ALOXE3: variants seen among roughly 807,000 people sequenced by gnomAD.
ALOXE3 encodes the protein arachidonate epidermal lipoxygenase 3.
ALOXE3 carries 78 observed loss-of-function variants against 87.5 expected under a neutral mutation model. The observed-to-expected ratio is 0.89, with a 90% CI of 0.74 to 1.08. ALOXE3 has a LOEUF of 1.08. Among genes scored for constraint, ALOXE3 ranks in the 50% least tolerant of loss-of-function variants. ALOXE3 has a pLI of 0.00. For missense variants in ALOXE3, 946 were observed against 912.4 expected (o/e 1.04, Z -0.47); for synonymous variants, 363 against 370.8 (o/e 0.98, Z 0.24).
chr17:8,115,157 C>T, intron 4 of ALOXE3, 100 bp from the exon 5 acceptor site: 2 of 1,487,646 alleles, frequency 1.3e-6, no homozygotes, highest in Non-Finnish European at 1.9e-6. Flanking sequence ...CAAAAACCAC[C>T]TACTTTCTGG....
intron 13 of ALOXE3, among the ~76,000 whole-genome samples, chr17:8,105,608 G>A (rs567607056): frequency 7.3e-4 from 111 of 152,176 alleles, no homozygotes; most frequent in African/African-American, 2.6e-3. Context: ...CCAAGAGCCC[G>A]GTAATTATTG....
In ALOXE3 at chr17:8,117,890, G is replaced by A. The variant is rs779810138; in HGVS notation, c.101C>T (p.Pro34Leu). The change falls in exon 2 of 16, where the codon CCC becomes CTC. Residue 34 changes from proline to leucine, a missense_variant. Physicochemically the swap from Pro to Leu is moderately conservative, Grantham distance 98 (BLOSUM62 -3). Coordinates refer to ENST00000448843, the MANE Select transcript of ALOXE3 (RefSeq NM_021628.3). Reference sequence around the variant, plus strand: ...GCCCATTCGATCTAGCCGCTGCTTGGGGCTTTCACCACACGTGCCCACCAG... The same window carrying A: ...GCCCATTCGATCTAGCCGCTGCTTGAGGCTTTCACCACACGTGCCCACCAG... ...VTLVGTCGES[P>L]KQRLDRMGRD... The A allele has an allele frequency of 3.7e-6, 6 of 1,611,788 alleles. No individual in the cohort carries two copies. The highest frequency in any genetic ancestry group is 3.3e-5 in the Admixed American group (2 of 59,854).
rs145113596 is a variant in ALOXE3, at chr17:8,115,017, C to A, written c.475G>T (p.Val159Phe). 2.5e-6 allele frequency: 4 copies of A among 1,613,996 alleles called. No individual in the cohort carries two copies. The highest frequency in any genetic ancestry group is 3.4e-6 in the Non-Finnish European group (4 of 1,180,022). The change falls in exon 5 of 16, where the codon GTC becomes TTC. Residue 159 changes from valine to phenylalanine, a missense_variant. By Grantham distance (50) the Val-to-Phe change is conservative. Coordinates refer to ENST00000448843, the MANE Select transcript of ALOXE3 (RefSeq NM_021628.3). ...YAPGFPCMVDVNSFQEMESDK... is the reference protein window; with the variant it reads ...YAPGFPCMVDFNSFQEMESDK... ...GACTCCATCTCCTGAAAGCTGTTGA[C>A]GTCTACCATGCAGGGGAAGCCAGGG...
At chr17:8,113,168 C>T (rs1822894851) in intron 6 of ALOXE3, among the ~76,000 whole-genome samples, 1 of 152,220 alleles carries the variant, frequency 6.6e-6, no homozygotes, top group Non-Finnish European at 1.5e-5. Flanking sequence ...CTCCTCCTTG[C>T]ACACATGAAC....
chr17:8,103,559 A>G lies in ALOXE3; in HGVS notation c.1786-66T>C, dbSNP rs546472381. The G allele has an allele frequency of 1.9e-6, 3 of 1,547,206 alleles. No homozygotes were observed. In the East Asian group the frequency reaches 6.8e-5, roughly 35 times the overall value. On this transcript the variant is annotated intron_variant, in intron 14 of 15. Coordinates refer to ENST00000448843, the MANE Select transcript of ALOXE3 (RefSeq NM_021628.3). ...GGGGAGTATCACCTCCCTCTTCACC[A>G]TCCCTGATTCCACCTCTGCCGTCCT...
Position 8,107,998 on chromosome 17 carries a change from G to GA in ALOXE3, c.1684+469_1684+470insT, listed in dbSNP as rs1407608605. ...AGAGAGAGAGAAAGAAAGAAAGGAAGGAAAGAAAGAAAGAAAGAAAGAAAG... is the reference window on the plus strand; with the variant it reads ...AGAGAGAGAGAAAGAAAGAAAGGAAGAGAAAGAAAGAAAGAAAGAAAGAAAG... On this transcript the variant is annotated intron_variant, in intron 13 of 15. Coordinates refer to ENST00000448843, the MANE Select transcript of ALOXE3 (RefSeq NM_021628.3). 3.0e-4 allele frequency among the ~76,000 whole-genome samples: 2 copies of GA among 6,570 alleles called. 1 individual carries two copies. The highest frequency in any genetic ancestry group is 2.7e-3 in the Admixed American group (2 of 738). The allele number at this position is 6,570 out of a possible 152,430, so 4.3% of individuals were successfully genotyped here.
intron 3 of ALOXE3, 119 bp downstream of exon 3, chr17:8,116,656 TG>T (rs772339071): frequency 2.6e-4 from 312 of 1,209,888 alleles, no homozygotes; most frequent in Non-Finnish European, 3.5e-4. Context: ...AACATCTACT[TG>T]GGAGCCCAGA....
chr17:8,116,764 T>C lies in ALOXE3; in HGVS notation c.352+12A>G, dbSNP rs1568005439. 1.2e-6 allele frequency: 2 copies of C among 1,613,798 alleles called. No homozygotes were observed. The highest frequency in any genetic ancestry group is 1.7e-6 in the Non-Finnish European group (2 of 1,179,678). Reference sequence around the variant, plus strand: ...CTTCTGCAGTACAGTGTAGTCCTCGTCTCTGGCCCACCTGTTCCTGGCCTC... The same window carrying C: ...CTTCTGCAGTACAGTGTAGTCCTCGCCTCTGGCCCACCTGTTCCTGGCCTC... On this transcript the variant is annotated intron_variant, in intron 3 of 15. Transcript: ENST00000448843.
chr17:8,107,000 C>T (rs1979366249), intron 13 of ALOXE3, among the ~76,000 whole-genome samples: 1 of 152,146 alleles, frequency 6.6e-6, no homozygotes, highest in Non-Finnish European at 1.5e-5. Context: ...GTTGGAAGAG[C>T]TGTTGTCAAT....
intron 15 of ALOXE3, among the ~76,000 whole-genome samples, chr17:8,102,285 G>C (rs1371860323): frequency 1.3e-5 from 2 of 152,164 alleles, no homozygotes; most frequent in Non-Finnish European, 2.9e-5. Context: ...ACAAGGTCAG[G>C]AATTCGAGAC....
Position 8,109,925 on chromosome 17 carries a change from G to A in ALOXE3, c.1383C>T (p.Leu461=). ...GGCAGGGAGGCCGCACCTGGTCCAC[G>A]AGGCCCTCGGGGTTGAGCAGCGTGG... is the stretch of plus-strand genomic sequence containing the variant. The part of the protein sequence containing the change: ...ARATLLNPEG[L]VDQVTSIGRQ... The change falls in exon 11 of 16, where the codon CTC becomes CTT. Residue 461 remains leucine, a synonymous_variant. Coordinates refer to ENST00000448843, the MANE Select transcript of ALOXE3 (RefSeq NM_021628.3). 6.4e-7 allele frequency: 1 copy of A among 1,550,422 alleles called. No homozygotes were observed. Among genetic ancestry groups the A allele is most frequent in the South Asian group, 1.2e-5 (1 of 84,060 alleles).
At chr17:8,118,796 C>G, upstream of ALOXE3, 1 of 1,537,022 alleles carries the variant, frequency 6.5e-7, no homozygotes, top group Non-Finnish European at 8.7e-7. Context: ...GCTCCAGGAC[C>G]GCCCTGGGCC....
intron 3 of ALOXE3, 40 bp from the exon 4 acceptor site, chr17:8,115,728 T>C: frequency 6.3e-7 from 1 of 1,577,096 alleles, no homozygotes. Flanking sequence ...AAGTCTCTTT[T>C]CCAACAACAT....
At chr17:8,107,839 A>AGGGGCCACGTGGC (rs1567996048) in intron 13 of ALOXE3, among the ~76,000 whole-genome samples, 57 of 4,254 alleles carry the variant, frequency 0.013, no homozygotes, top group Admixed American at 0.02. Flanking sequence ...GAAAGAAAGA[A>AGGGGCCACGTGGC]AGAAAGAAAG....
chr17:8,098,143 G>A (rs1448199979), intron 15 of ALOXE3, among the ~76,000 whole-genome samples: 1 of 151,848 alleles, frequency 6.6e-6, no homozygotes, highest in Admixed American at 6.6e-5. Flanking sequence ...AGTGGGCATT[G>A]GGCATTATTT....
intron 15 of ALOXE3, 93 bp downstream of exon 15, chr17:8,103,230 G>T: frequency 6.9e-7 from 1 of 1,445,178 alleles, no homozygotes; most frequent in Non-Finnish European, 9.7e-7. Context: ...CATAAATCCC[G>T]TCGATCAGTC....
At chr17:8,108,812 G>A (rs1310288204) in intron 12 of ALOXE3, among the ~76,000 whole-genome samples, 2 of 152,100 alleles carry the variant, frequency 1.3e-5, no homozygotes, top group African/African-American at 2.4e-5. Context: ...GGGGCCTGGG[G>A]GGTGGGCAGG....
chr17:8,118,822 G>A, upstream of ALOXE3: 1 of 1,536,422 alleles, frequency 6.5e-7, no homozygotes, highest in Non-Finnish European at 8.7e-7. Flanking sequence ...GATCCTGGGC[G>A]GGAGCCCAGG....
In ALOXE3 at chr17:8,116,972, C is replaced by T. The variant is rs554957668; in HGVS notation, c.156G>A (p.Lys52=). The part of the protein sequence containing the change: ...GRDFAPGSVQ[K]YKVRCTAELG... ...GCTCCGCTGTGCAACGCACCTTGTA[C>T]TTCTGTACCTGAGGGGACCAAGACA... The change falls in exon 3 of 16, where the codon AAG becomes AAA. Residue 52 remains lysine (K), a synonymous_variant. Transcript: ENST00000448843. 39 of 1,613,740 alleles carry T rather than the reference C, an allele frequency of 2.4e-5. No individual in the cohort carries two copies. The South Asian group carries it at 2.4e-4, about 10-fold the overall frequency.
Sources: allele counts gnomAD v4.1 joint callset (sites outside exome capture counted in the v4.1 genomes callset), GRCh38; gene constraint gnomAD v4.1.1; transcripts MANE v1.5; gene names NCBI Gene and HGNC (gene_info 2026-07-23, HGNC 2026-07-21).